The following ZNF587 variants were observed in gnomAD, a reference collection of about 807,000 sequenced individuals.
ZNF587 encodes the protein zinc finger protein zfp6.
A neutral mutation model predicts 7.5 loss-of-function variants in ZNF587; 8 were observed. The ratio of observed to expected loss-of-function variants is 1.06; its 90% CI spans 0.62 to 1.92. The LOEUF (loss-of-function observed/expected upper bound fraction) is 1.92. ZNF587 is among the 40% of genes most tolerant of loss of function. The pLI is 0.00. For synonymous variants in ZNF587, 145 were observed against 237.8 expected (o/e 0.61, Z 3.59); for missense variants, 468 against 692.8 (o/e 0.68, Z 3.64).
chr19:57,856,417 T>C (rs2071356970), intron 2 of ZNF587, among the ~76,000 whole-genome samples, 184 bp downstream of exon 2: 1 of 151,482 alleles, frequency 6.6e-6, no homozygotes, highest in South Asian at 2.1e-4. Flanking sequence ...CTGTTTTTTT[T>C]TTTTTTCTGA....
At chr19:57,856,377 A>G (rs1403704076) in intron 2 of ZNF587, 144 bp downstream of exon 2, 1 of 1,335,638 alleles carries the variant, frequency 7.5e-7, no homozygotes, top group East Asian at 2.6e-5. Flanking sequence ...GGTTCGTAGG[A>G]GTAAGGTGTG....
intron 1 of ZNF587, chr19:57,850,508 A>G (rs1478736722): frequency 2.1e-6 from 1 of 470,658 alleles, no homozygotes; most frequent in East Asian, 3.3e-5. Context: ...GGCAGAACTG[A>G]TTGACCCAGA....
At position 57,860,467 on chromosome 19, in the gene ZNF587, C is replaced by G; in HGVS notation, c.*327C>G. On this transcript the variant is annotated 3_prime_UTR_variant, in exon 3 of 3. Transcript: ENST00000339656. ...TGTTTTTAGTGGAGATGGGGTTTTA[C>G]CATGTTGGCCAGGCTGGTCTCAAAC... The G allele has an allele frequency of 2.8e-6, 1 of 358,974 alleles. No individual in the cohort carries two copies. Among genetic ancestry groups the G allele is most frequent in the South Asian group, 3.0e-5 (1 of 33,820 alleles). 22.2% of individuals were successfully genotyped at this position (358,974 alleles called of 1,614,324 possible).
intron 1 of ZNF587, chr19:57,850,304 C>T: frequency 1.5e-6 from 1 of 667,474 alleles, no homozygotes; most frequent in Non-Finnish European, 2.6e-6. Flanking sequence ...GTAATTCACG[C>T]AGAGCCGTCC....
chr19:57,853,319 T>C (rs1268210116), intron 1 of ZNF587, among the ~76,000 whole-genome samples: 3 of 152,222 alleles, frequency 2.0e-5, no homozygotes, highest in African/African-American at 4.8e-5. Flanking sequence ...GTTTTGGCCA[T>C]ATGAAGAATC....
rs2071355200 is a variant in ZNF587 at position 57,856,309 on chromosome 19, T to G, written c.163+76T>G. ...CTGTTTTTCATTGACAGGACTGTCT[T>G]TCTCACCTAAGGAGCCTGGACACAG... On this transcript the variant is annotated intron_variant, in intron 2 of 2. Coordinates refer to ENST00000339656, the MANE Select transcript of ZNF587 (RefSeq NM_032828.4). 9 of 1,530,986 alleles carry G rather than the reference T, an allele frequency of 5.9e-6. No individual in the cohort carries two copies. The South Asian group carries it at 1.2e-4, about 20-fold the overall frequency. 94.8% of individuals were successfully genotyped at this position (1,530,986 alleles called of 1,614,324 possible). A position where few individuals can be genotyped will look rare whatever the true frequency, so the allele number is the denominator to read the frequency against.
chr19:57,856,684 A>G (rs2071360120), intron 2 of ZNF587, among the ~76,000 whole-genome samples: 1 of 151,348 alleles, frequency 6.6e-6, no homozygotes, highest in African/African-American at 2.5e-5. Flanking sequence ...CTGGGATTAT[A>G]GGCGTGAGCC....
rs983913905 is a variant in ZNF587 at position 57,863,548 on chromosome 19, C to G, written c.*3408C>G. ...ATAGGCGTGAGCCAACACGCCCTGG[C>G]CACTTCTTGTCTTTGCAACATTTTT... On this transcript the variant is annotated 3_prime_UTR_variant, in exon 3 of 3. Coordinates refer to ENST00000339656, the MANE Select transcript of ZNF587 (RefSeq NM_032828.4). 1 of 152,164 alleles carries G rather than the reference C, an allele frequency of 6.6e-6. No homozygotes were observed. 9.4% of individuals were successfully genotyped at this position (152,164 alleles called of 1,614,324 possible). A position where few individuals can be genotyped will look rare whatever the true frequency, so the allele number is the denominator to read the frequency against.
chr19:57,856,354 G>A (rs111331553), intron 2 of ZNF587, 121 bp downstream of exon 2: 13 of 1,462,960 alleles, frequency 8.9e-6, no homozygotes, highest in Admixed American at 2.5e-5. Context: ...GCACTTCTCT[G>A]TGTAAGTTGT....
At chr19:57,857,014 T>TA (rs1481628312) in intron 2 of ZNF587, 4 of 151,942 alleles carry the variant, frequency 2.6e-5, no homozygotes, top group African/African-American at 9.7e-5. Flanking sequence ...TTGTAATACT[T>TA]ACCTTACTCT....
intron 1 of ZNF587, among the ~76,000 whole-genome samples, chr19:57,853,100 G>C (rs2071303153): frequency 1.3e-5 from 2 of 151,526 alleles, no homozygotes; most frequent in South Asian, 4.2e-4. Flanking sequence ...AGATTCGCTG[G>C]CCTCTGCCTC....
intron 1 of ZNF587, among the ~76,000 whole-genome samples, chr19:57,855,512 G>A (rs1464309968): frequency 2.0e-5 from 3 of 151,980 alleles, no homozygotes; most frequent in African/African-American, 7.2e-5. Context: ...AGCTGCCTTG[G>A]GCTTTACGTG....
In ZNF587 at chr19:57,858,480, T is replaced by C; in HGVS notation, c.164-96T>C. ...CATTGTGTTCCTGCAAATATTTCTA[T>C]AGATTAATTCCTCAATTTGTGAGAC... On this transcript the variant is annotated intron_variant, in intron 2 of 2. Transcript: ENST00000339656. The C allele has an allele frequency of 3.3e-6, 5 of 1,516,584 alleles. No homozygotes were observed. The Admixed American group carries it at 6.9e-5, about 21-fold the overall frequency. The allele number at this position is 1,516,584 out of a possible 1,614,324, so 93.9% of individuals were successfully genotyped here.
rs1312451881 is a variant in ZNF587 at position 57,863,866 on chromosome 19, A to C, written c.*3726A>C. 2 of 151,396 alleles carry C rather than the reference A, an allele frequency of 1.3e-5. No individual in the cohort carries two copies. Among genetic ancestry groups the C allele is most frequent in the Admixed American group, 6.6e-5 (1 of 15,188 alleles). 9.4% of individuals were successfully genotyped at this position (151,396 alleles called of 1,614,324 possible). A position where few individuals can be genotyped will look rare whatever the true frequency, so the allele number is the denominator to read the frequency against. ...AAGACCACCCTGGCCAATATTGTGA[A>C]TTCCTGTCTCTACTAAAAATACAAA... is the stretch of plus-strand genomic sequence containing the variant. On this transcript the variant is annotated 3_prime_UTR_variant, in exon 3 of 3. Coordinates refer to ENST00000339656, the MANE Select transcript of ZNF587 (RefSeq NM_032828.4).
chr19:57,865,044 G>A lies in ZNF587; in HGVS notation c.*4904G>A, dbSNP rs1201957494. The A allele has an allele frequency of 6.6e-6, 1 of 152,168 alleles. No homozygotes were observed. The highest frequency in any genetic ancestry group is 1.5e-5 in the Non-Finnish European group (1 of 68,030). 9.4% of individuals were successfully genotyped at this position (152,168 alleles called of 1,614,324 possible). On this transcript the variant is annotated 3_prime_UTR_variant, in exon 3 of 3. Transcript: ENST00000339656. ...CTTGTCTTGAATTAATACAACTTTT[G>A]TTAATTCTCTTATGAAGTTAATCTT...
At position 57,862,903 on chromosome 19, in the gene ZNF587, A is replaced by G. The variant is rs557432904; in HGVS notation, c.*2763A>G. 6.4e-6 allele frequency: 1 copy of G among 155,118 alleles called. No homozygotes were observed. The highest frequency in any genetic ancestry group is 2.0e-4 in the South Asian group (1 of 4,920). 9.6% of individuals were successfully genotyped at this position (155,118 alleles called of 1,614,324 possible). ...TCACAAAGTCCACTGTAACAGCTTT[A>G]TATTTGTGAAGTGAAGAACATGAAG... is the stretch of plus-strand genomic sequence containing the variant. On this transcript the variant is annotated 3_prime_UTR_variant, in exon 3 of 3. Coordinates refer to ENST00000339656, the MANE Select transcript of ZNF587 (RefSeq NM_032828.4).
rs745439582 is a variant in ZNF587, at chr19:57,856,109, C to T, written c.39C>T (p.Gly13=). ...AAVPRRPTQQ[G]TVTFEDVAVN... ...TTCATCTGTCACTATCATAGCAGGGCACTGTGACCTTTGAAGATGTGGCTG... is the reference window on the plus strand; with the variant it reads ...TTCATCTGTCACTATCATAGCAGGGTACTGTGACCTTTGAAGATGTGGCTG... The change falls in exon 2 of 3, where the codon GGC becomes GGT. Residue 13 remains glycine, a synonymous_variant. Transcript: ENST00000339656. The T allele has an allele frequency of 1.2e-6, 2 of 1,612,578 alleles. No individual in the cohort carries two copies. Among genetic ancestry groups the T allele is most frequent in the Admixed American group, 3.4e-5 (2 of 59,430 alleles).
At chr19:57,852,986 G>A (rs2071301502) in intron 1 of ZNF587, among the ~76,000 whole-genome samples, 1 of 150,390 alleles carries the variant, frequency 6.6e-6, no homozygotes, top group Non-Finnish European at 1.5e-5. Flanking sequence ...CTGAGTAGCT[G>A]GGATTACAGG....
At chr19:57,850,686 G>A in intron 1 of ZNF587, 2 of 397,546 alleles carry the variant, frequency 5.0e-6, no homozygotes, top group Middle Eastern at 6.3e-4. Context: ...TTTAAAAGGC[G>A]GGTCCAGGTG....
Sources: allele counts gnomAD v4.1 joint callset (sites outside exome capture counted in the v4.1 genomes callset), GRCh38; gene constraint gnomAD v4.1.1; transcripts MANE v1.5; gene names NCBI Gene and HGNC (gene_info 2026-07-23, HGNC 2026-07-21).